The following GTF2F2 variants were observed in gnomAD, a reference collection of about 807,000 sequenced individuals.
GTF2F2 encodes general transcription factor IIF subunit 2.
In GTF2F2, 23 loss-of-function variants were observed where a neutral mutation model predicts 42.2. That is an observed-to-expected ratio of 0.55 (90% CI 0.39 to 0.77). The LOEUF is 0.77. GTF2F2 is among the 30% of genes least tolerant of loss of function. GTF2F2 has a pLI of 0.00. For missense variants in GTF2F2, 261 were observed against 287.2 expected, an observed-to-expected ratio of 0.91 and a Z score of 0.66; for synonymous variants, 105 against 100.8, an observed-to-expected ratio of 1.04 and a Z score of -0.25.
At chr13:45,194,691 T>C in intron 4 of GTF2F2, 5 of 855,470 alleles carry the variant, frequency 5.8e-6, no homozygotes, top group Non-Finnish European at 9.2e-6. Context: ...GCTGGCAGCA[T>C]CGCCTGCGCT....
chr13:45,208,623 G>C (rs981515854), intron 5 of GTF2F2, among the ~76,000 whole-genome samples: 1 of 152,184 alleles, frequency 6.6e-6, no homozygotes, highest in Non-Finnish European at 1.5e-5. Context: ...GTAGTGGCCT[G>C]TTGGATATCA....
At chr13:45,151,423 G>A (rs1194139891) in intron 3 of GTF2F2, among the ~76,000 whole-genome samples, 2 of 151,988 alleles carry the variant, frequency 1.3e-5, no homozygotes, top group African/African-American at 4.8e-5. Flanking sequence ...TGCAATGGCT[G>A]TTCATAGTGA....
intron 1 of GTF2F2, among the ~76,000 whole-genome samples, chr13:45,129,254 G>C (rs1247508302): frequency 6.6e-6 from 1 of 152,174 alleles, no homozygotes; most frequent in Non-Finnish European, 1.5e-5. Flanking sequence ...TGTCACCCAG[G>C]CTGGAGTGCA....
At chr13:45,186,802 G>A (rs965492626) in intron 4 of GTF2F2, among the ~76,000 whole-genome samples, 2 of 152,064 alleles carry the variant, frequency 1.3e-5, no homozygotes, top group African/African-American at 4.8e-5. Context: ...GCAAAAATCA[G>A]TGGGTTGCAA....
intron 7 of GTF2F2, among the ~76,000 whole-genome samples, chr13:45,274,627 C>T (rs986334621): frequency 6.6e-6 from 1 of 152,046 alleles, no homozygotes; most frequent in East Asian, 1.9e-4. Flanking sequence ...CCACGCCCGA[C>T]CAAATTATAC....
chr13:45,190,845 A>G (rs982707964), intron 4 of GTF2F2, among the ~76,000 whole-genome samples: 2 of 151,180 alleles, frequency 1.3e-5, no homozygotes, highest in Admixed American at 6.6e-5. Flanking sequence ...TCCACCTCTC[A>G]GTTAAAGCGA....
chr13:45,151,594 C>T (rs1050366009), intron 3 of GTF2F2, 93 bp from the exon 4 acceptor site: 1 of 738,912 alleles, frequency 1.4e-6, no homozygotes. Flanking sequence ...CTGGAAAACA[C>T]ATTTAAAAAC....
At chr13:45,269,536 C>T (rs529887753) in intron 7 of GTF2F2, among the ~76,000 whole-genome samples, 1 of 152,202 alleles carries the variant, frequency 6.6e-6, no homozygotes, top group Admixed American at 6.5e-5. Context: ...TAAAAGGATT[C>T]GAGGACATAA....
At chr13:45,136,613 G>A (rs9534041) in intron 1 of GTF2F2, 120 bp from the exon 2 acceptor site, 159,409 of 606,292 alleles carry the variant, frequency 0.26, 27,968 homozygotes, top group African/African-American at 0.7. Flanking sequence ...ACATACAGTA[G>A]TAACTTGATA....
At chr13:45,170,079 A>G (rs767177707) in intron 4 of GTF2F2, among the ~76,000 whole-genome samples, 1 of 152,196 alleles carries the variant, frequency 6.6e-6, no homozygotes, top group Non-Finnish European at 1.5e-5. Flanking sequence ...GCTGGACTGC[A>G]GTGCTATGAT....
At chr13:45,130,107 G>GC (rs1279502937) in intron 1 of GTF2F2, among the ~76,000 whole-genome samples, 5 of 152,230 alleles carry the variant, frequency 3.3e-5, no homozygotes, top group Non-Finnish European at 7.3e-5. Context: ...GGTCACCTAA[G>GC]ACATTATAGG....
chr13:45,224,645 T>G (rs1874254620), intron 5 of GTF2F2, among the ~76,000 whole-genome samples: 1 of 152,254 alleles, frequency 6.6e-6, no homozygotes, highest in South Asian at 2.1e-4. Flanking sequence ...ACCATCTATC[T>G]GAAACTCAGA....
chr13:45,198,554 G>A (rs2138179375), intron 4 of GTF2F2, among the ~76,000 whole-genome samples: 1 of 152,254 alleles, frequency 6.6e-6, no homozygotes, highest in African/African-American at 2.4e-5. Flanking sequence ...TCAAATCTTG[G>A]TTGTTGTCAG....
At chr13:45,234,108 A>G (rs968228049) in intron 5 of GTF2F2, among the ~76,000 whole-genome samples, 1 of 152,242 alleles carries the variant, frequency 6.6e-6, no homozygotes, top group Non-Finnish European at 1.5e-5. Flanking sequence ...GATTTTGTCC[A>G]TCACTTCTTG....
At chr13:45,232,149 G>A (rs961152717) in intron 5 of GTF2F2, among the ~76,000 whole-genome samples, 3 of 152,124 alleles carry the variant, frequency 2.0e-5, no homozygotes, top group African/African-American at 7.2e-5. Flanking sequence ...GTAGCTGGCT[G>A]GAGAAACATG....
intron 5 of GTF2F2, among the ~76,000 whole-genome samples, chr13:45,212,453 T>TTCTTTCTTTTCTTTTCTTTTCTTTTC (rs1343870277): frequency 1.5e-5 from 1 of 68,612 alleles, no homozygotes; most frequent in African/African-American, 6.6e-5. Context: ...TCTTGTTTCT[T>TTCTTTCTTTTCTTTTCTTTTCTTTTC]TCTTTCTTTC....
At chr13:45,229,151 G>A (rs374628607) in intron 5 of GTF2F2, among the ~76,000 whole-genome samples, 10 of 152,236 alleles carry the variant, frequency 6.6e-5, no homozygotes, top group South Asian at 4.1e-4. Context: ...CCGAAGTGCC[G>A]GGATTACAGG....
intron 5 of GTF2F2, among the ~76,000 whole-genome samples, chr13:45,240,006 A>C (rs1479768804): frequency 6.6e-6 from 1 of 151,784 alleles, no homozygotes; most frequent in Non-Finnish European, 1.5e-5. Flanking sequence ...ACTCAGTATT[A>C]AGTCTTTCAC....
chr13:45,136,284 T>TTA (rs1318351003), intron 1 of GTF2F2, among the ~76,000 whole-genome samples: 1 of 152,250 alleles, frequency 6.6e-6, no homozygotes, highest in African/African-American at 2.4e-5. Flanking sequence ...AATAATCCTT[T>TTA]TATATTAGCA....
Sources: gnomAD v4.1 joint callset for allele counts (sites outside exome capture counted in the v4.1 genomes callset) on GRCh38, gnomAD v4.1.1 for gene constraint, MANE v1.5 for transcripts, NCBI Gene and HGNC (gene_info 2026-07-23, HGNC 2026-07-21) for gene names.